Variants in MRPS6 observed in about 807,000 individuals in gnomAD.
MRPS6 encodes the protein mitochondrial ribosomal protein S6.
In MRPS6, 6 loss-of-function variants were observed where a neutral mutation model predicts 13.1. The ratio of observed to expected loss-of-function variants is 0.46; its 90% CI spans 0.25 to 0.91. The LOEUF is 0.91. Ranked by LOEUF, MRPS6 falls within the 40% of genes least tolerant of loss-of-function variation. The probability of loss-of-function intolerance (pLI) is 0.18; values close to 1 mark genes in which losing one functional copy is unlikely to be tolerated. For missense variants in MRPS6, 164 were observed against 155.6 expected (o/e 1.05, Z -0.29); for synonymous variants, 61 against 56.5 (o/e 1.08, Z -0.36).
intron 1 of MRPS6, chr21:34,095,021 G>GT: frequency 2.7e-6 from 2 of 731,244 alleles, no homozygotes; most frequent in Non-Finnish European, 4.2e-6. Context: ...CTTCTTCAAA[G>GT]TTTATCACAA....
intron 1 of MRPS6, chr21:34,104,685 C>T (rs1480952110): frequency 5.0e-6 from 5 of 1,000,086 alleles, no homozygotes; most frequent in Non-Finnish European, 6.0e-6. Context: ...AATATCAAAC[C>T]TCAGGCCTGG....
intron 2 of MRPS6, among the ~76,000 whole-genome samples, chr21:34,136,718 C>T (rs559213454): frequency 1.2e-4 from 19 of 152,120 alleles, no homozygotes; most frequent in Non-Finnish European, 2.5e-4. Context: ...ACTTCTAATT[C>T]GCAAATCTTA....
chr21:34,086,729 G>A (rs1403262846), intron 1 of MRPS6, among the ~76,000 whole-genome samples: 1 of 152,182 alleles, frequency 6.6e-6, no homozygotes, highest in Non-Finnish European at 1.5e-5. Context: ...AACATGTAGT[G>A]TAAAAATAGT....
intron 1 of MRPS6, 96 bp downstream of exon 1, chr21:34,073,841 G>A (rs1989250791): frequency 1.1e-6 from 1 of 871,900 alleles, no homozygotes; most frequent in Admixed American, 4.4e-5. Context: ...GGGACCCCGG[G>A]CCTTCCTGCA....
intron 2 of MRPS6, among the ~76,000 whole-genome samples, 168 bp downstream of exon 2, chr21:34,125,648 T>C (rs997752791): frequency 6.6e-6 from 1 of 152,208 alleles, no homozygotes; most frequent in African/African-American, 2.4e-5. Context: ...GGATGTGATA[T>C]GCTGGCCCTT....
In MRPS6 at chr21:34,142,863, C is replaced by A; in HGVS notation, c.*263C>A. On this transcript the variant is annotated 3_prime_UTR_variant, in exon 3 of 3. Coordinates refer to ENST00000399312, the MANE Select transcript of MRPS6 (RefSeq NM_032476.4). ...AGTGTCATTTCTTTGTCATTGAGGACTTTTCCCCTTACAACAGTAACACCA... is the reference window on the plus strand; with the variant it reads ...AGTGTCATTTCTTTGTCATTGAGGAATTTTCCCCTTACAACAGTAACACCA... 1 of 307,600 alleles carries A rather than the reference C, an allele frequency of 3.3e-6. No individual in the cohort carries two copies. Among genetic ancestry groups the A allele is most frequent in the Non-Finnish European group, 5.9e-6 (1 of 169,212 alleles). The allele number at this position is 307,600 out of a possible 1,614,324, so 19.1% of individuals were successfully genotyped here. A position where few individuals can be genotyped will look rare whatever the true frequency, so the allele number is the denominator to read the frequency against.
chr21:34,124,054 T>C (rs1980217060), intron 1 of MRPS6: 1 of 152,298 alleles, frequency 6.6e-6, no homozygotes, highest in South Asian at 2.1e-4. Flanking sequence ...ACCCTTTCTA[T>C]TGATCTCACC....
At chr21:34,141,858 G>A in intron 2 of MRPS6, among the ~76,000 whole-genome samples, 1 of 152,152 alleles carries the variant, frequency 6.6e-6, no homozygotes, top group East Asian at 1.9e-4. Context: ...TCTTACTTAA[G>A]GTTCCAGTAA....
chr21:34,100,077 G>C (rs774118176), intron 1 of MRPS6: 73 of 997,828 alleles, frequency 7.3e-5, no homozygotes, highest in Non-Finnish European at 8.3e-5. Flanking sequence ...ATTAACATGT[G>C]TATATTTTTA....
At chr21:34,132,226 C>T (rs961472189) in intron 2 of MRPS6, among the ~76,000 whole-genome samples, 10 of 151,980 alleles carry the variant, frequency 6.6e-5, no homozygotes, top group African/African-American at 9.7e-5. Flanking sequence ...CGGAGAGTGG[C>T]GAATACAGTA....
intron 1 of MRPS6, among the ~76,000 whole-genome samples, chr21:34,109,847 A>T (rs1885244361): frequency 1.3e-5 from 2 of 151,950 alleles, no homozygotes; most frequent in South Asian, 4.1e-4. Flanking sequence ...TCAAAACATC[A>T]CATTGTTTAC....
intron 1 of MRPS6, among the ~76,000 whole-genome samples, chr21:34,113,031 C>T (rs1170021742): frequency 5.9e-5 from 9 of 152,076 alleles, no homozygotes; most frequent in Non-Finnish European, 8.8e-5. Flanking sequence ...CAACAAAAAA[C>T]CACATTGAGA....
At chr21:34,126,153 TAGA>T (rs1980296691) in intron 2 of MRPS6, among the ~76,000 whole-genome samples, 1 of 151,816 alleles carries the variant, frequency 6.6e-6, no homozygotes, top group Non-Finnish European at 1.5e-5. Flanking sequence ...AGTCCAAGAG[TAGA>T]AGAGTCAGCT....
At position 34,100,438 on chromosome 21, in the gene MRPS6, G is replaced by A. The variant is rs377758867; in HGVS notation, c.46-24903G>A. 20 of 1,000,170 alleles carry A rather than the reference G, an allele frequency of 2.0e-5. No individual in the cohort carries two copies. In the East Asian group the frequency reaches 1.0e-3, roughly 51 times the overall value. The allele number at this position is 1,000,170 out of a possible 1,614,324, so 62.0% of individuals were successfully genotyped here. On this transcript the variant is annotated intron_variant, in intron 1 of 2. Coordinates refer to ENST00000399312, the MANE Select transcript of MRPS6 (RefSeq NM_032476.4). Reference sequence around the variant, plus strand: ...TCTTTCCTGGGGGTAATTATGCTTTGTCTTTAGATTAGAGAAGCATCAAGC... The same window carrying A: ...TCTTTCCTGGGGGTAATTATGCTTTATCTTTAGATTAGAGAAGCATCAAGC...
intron 1 of MRPS6, chr21:34,103,585 T>C (rs1399117150): frequency 1.0e-5 from 10 of 1,000,086 alleles, no homozygotes; most frequent in Non-Finnish European, 1.1e-5. Flanking sequence ...AAAATCGTGT[T>C]CACACATTAG....
At chr21:34,099,678 C>G (rs1979145145) in intron 1 of MRPS6, 1 of 997,742 alleles carries the variant, frequency 1.0e-6, no homozygotes, top group Non-Finnish European at 1.2e-6. Flanking sequence ...CTTCTTTCTG[C>G]TCTTGTCTTA....
chr21:34,083,752 A>G (rs887177456), intron 1 of MRPS6, among the ~76,000 whole-genome samples: 10 of 152,360 alleles, frequency 6.6e-5, no homozygotes, highest in African/African-American at 1.9e-4. Flanking sequence ...TGGGAATGCC[A>G]TTCTCATGTG....
intron 2 of MRPS6, among the ~76,000 whole-genome samples, chr21:34,131,336 A>ATTGGTTGTGG (rs1167581220): frequency 1.3e-5 from 2 of 152,160 alleles, no homozygotes; most frequent in Admixed American, 6.5e-5. Flanking sequence ...CTGATAGCTC[A>ATTGGTTGTGG]TTGTGGTTGT....
At chr21:34,085,166 T>G (rs1978325460) in intron 1 of MRPS6, among the ~76,000 whole-genome samples, 3 of 152,240 alleles carry the variant, frequency 2.0e-5, no homozygotes, top group Non-Finnish European at 4.4e-5. Context: ...CTTGAACAGT[T>G]CCAAAGCCTT....
Sources: allele counts gnomAD v4.1 joint callset (sites outside exome capture counted in the v4.1 genomes callset), GRCh38; gene constraint gnomAD v4.1.1; transcripts MANE v1.5; gene names NCBI Gene and HGNC (gene_info 2026-07-23, HGNC 2026-07-21).